The following ZNF469 variants were observed in gnomAD, a reference collection of about 807,000 sequenced individuals.
The protein encoded by ZNF469 is zinc finger protein 469.
ZNF469 carries 1 observed loss-of-function variant against 1.0 expected under a neutral mutation model. The observed-to-expected ratio is 1.00, with a 90% CI of 0.35 to 4.73. The LOEUF is 4.73. Among genes scored for constraint, ZNF469 ranks in the 30% most tolerant of loss-of-function variants. The probability of loss-of-function intolerance (pLI) is 0.16; values close to 1 mark genes in which losing one functional copy is unlikely to be tolerated. For missense variants in ZNF469, 6,100 were observed against 5,356.3 expected (o/e 1.14, Z -4.33); for synonymous variants, 2,703 against 2,363.4 (o/e 1.14, Z -4.17).
At chr16:88,132,137 T>C in the ZNF469 span, among the ~76,000 whole-genome samples, 3 of 152,184 alleles carry the variant, frequency 2.0e-5, no homozygotes, top group African/African-American at 7.2e-5. Context: ...GCCCCGGCCA[T>C]ACCGATGGCT....
intron 1 of ZNF469, among the ~76,000 whole-genome samples, chr16:88,411,857 G>A (rs1030642819): frequency 1.3e-5 from 2 of 152,104 alleles, no homozygotes; most frequent in Non-Finnish European, 2.9e-5. Context: ...CCACACCTGG[G>A]GTCCCCTTCT....
At chr16:88,387,234 A>C (rs148545740) in intron 1 of ZNF469, among the ~76,000 whole-genome samples, 1 of 152,204 alleles carries the variant, frequency 6.6e-6, no homozygotes, top group Admixed American at 6.5e-5. Context: ...AGCTGCCCTC[A>C]GTGGCCGGAG....
Position 88,438,308 on chromosome 16 carries a change from G to A in ZNF469, c.10838G>A (p.Gly3613Glu), listed in dbSNP as rs568704426. 7 of 1,549,692 alleles carry A rather than the reference G, an allele frequency of 4.5e-6. No homozygotes were observed. Among genetic ancestry groups the A allele is most frequent in the Middle Eastern group, 1.7e-4 (1 of 5,990 alleles). Residue 3613 changes from glycine (G) to glutamate (E), a missense_variant, in exon 3 of 3, where the codon GGA becomes GAA. Transcript: ENST00000565624. ...RPGARGQDAE[G>E]KRAPLVFSGK... is the part of the protein sequence containing the mutation. ...GGAGCCAGAGGCCAAGATGCGGAGG[G>A]AAAGAGGGCTCCTCTCGTGTTCTCA... is the stretch of plus-strand genomic sequence containing the variant.
upstream of ZNF469, among the ~76,000 whole-genome samples, chr16:88,380,771 C>G (rs1437809146): frequency 6.7e-6 from 1 of 150,044 alleles, no homozygotes; most frequent in Non-Finnish European, 1.5e-5. Flanking sequence ...GACGTCCTCA[C>G]ACACATGCAC....
chr16:88,136,210 G>A, the ZNF469 span, among the ~76,000 whole-genome samples: 1 of 152,174 alleles, frequency 6.6e-6, no homozygotes, highest in Non-Finnish European at 1.5e-5. Flanking sequence ...CTCTGCGTGG[G>A]GGAGGCTGTG....
upstream of ZNF469, among the ~76,000 whole-genome samples, chr16:88,381,070 G>GA (rs2092522357): frequency 1.8e-5 from 1 of 56,364 alleles, no homozygotes; most frequent in Admixed American, 1.9e-4. Flanking sequence ...TCACACACAG[G>GA]CATGCACTCA....
At chr16:88,409,338 T>C (rs750823080) in intron 1 of ZNF469, among the ~76,000 whole-genome samples, 2 of 152,192 alleles carry the variant, frequency 1.3e-5, no homozygotes, top group Non-Finnish European at 2.9e-5. Context: ...ACTTGAGAAC[T>C]GGAGGATGAC....
chr16:88,111,137 C>T, the ZNF469 span, among the ~76,000 whole-genome samples: 2 of 152,248 alleles, frequency 1.3e-5, no homozygotes, highest in African/African-American at 2.4e-5. Flanking sequence ...CATGTCAAAC[C>T]ATTTCCTGCA....
chr16:88,292,226 C>T, the ZNF469 span, among the ~76,000 whole-genome samples: 2 of 152,244 alleles, frequency 1.3e-5, no homozygotes, highest in South Asian at 2.1e-4. Flanking sequence ...GCCTGGTGTG[C>T]GTGGTCCCAG....
At chr16:88,109,409 A>G in the ZNF469 span, among the ~76,000 whole-genome samples, 1 of 152,254 alleles carries the variant, frequency 6.6e-6, no homozygotes, top group Non-Finnish European at 1.5e-5. Flanking sequence ...GGACCCAGGC[A>G]TGAGGCTTCT....
chr16:88,205,653 T>C, the ZNF469 span, among the ~76,000 whole-genome samples: 2 of 152,144 alleles, frequency 1.3e-5, no homozygotes, highest in Non-Finnish European at 2.9e-5. The surrounding 1 kb of genome is among the most constrained non-coding windows in gnomAD (Gnocchi z 4.2). Flanking sequence ...AGCAGCACAG[T>C]ACAAGGCACG....
At chr16:88,151,214 G>T in the ZNF469 span, among the ~76,000 whole-genome samples, 3 of 152,168 alleles carry the variant, frequency 2.0e-5, no homozygotes, top group Non-Finnish European at 4.4e-5. The surrounding 1 kb of genome is among the most constrained non-coding windows in gnomAD (Gnocchi z 5.4). Context: ...GACTGGTGCC[G>T]ACTGTCAAAC....
the ZNF469 span, among the ~76,000 whole-genome samples, chr16:88,185,268 C>T: frequency 1.6e-3 from 245 of 152,200 alleles, no homozygotes; most frequent in African/African-American, 5.4e-3. Context: ...AACACAGGCA[C>T]GCACTAGTAT....
At chr16:88,380,979 TATGCACTCACACAGAC>T (rs1427773280), upstream of ZNF469, among the ~76,000 whole-genome samples, 44 of 30,768 alleles carry the variant, frequency 1.4e-3, 1 homozygote, top group African/African-American at 5.3e-3. Flanking sequence ...CACTCACACA[TATGCACTCACACAGAC>T]ATGCACTCAC....
At chr16:88,381,418 ACT>A (rs199793714), upstream of ZNF469, among the ~76,000 whole-genome samples, 355 of 150,330 alleles carry the variant, frequency 2.4e-3, 2 homozygotes, top group African/African-American at 8.0e-3. Context: ...ACAGACATGC[ACT>A]CTCTCACACA....
the ZNF469 span, among the ~76,000 whole-genome samples, chr16:88,328,311 CTGTG>C: frequency 6.6e-6 from 1 of 152,264 alleles, no homozygotes; most frequent in Non-Finnish European, 1.5e-5. Context: ...CTGCTGCTGA[CTGTG>C]TGACCTTGGC....
the ZNF469 span, among the ~76,000 whole-genome samples, chr16:88,132,939 G>C: frequency 3.9e-5 from 6 of 152,230 alleles, no homozygotes; most frequent in Non-Finnish European, 8.8e-5. Context: ...ACCACCACAG[G>C]TGAAGGGCTC....
the ZNF469 span, among the ~76,000 whole-genome samples, chr16:88,228,601 CT>C: frequency 6.6e-6 from 1 of 152,228 alleles, no homozygotes. Flanking sequence ...AACCTGGCAA[CT>C]CCTGTTTTTT....
chr16:88,312,553 C>T, the ZNF469 span, among the ~76,000 whole-genome samples: 1 of 152,196 alleles, frequency 6.6e-6, no homozygotes, highest in Non-Finnish European at 1.5e-5. Flanking sequence ...GTCACATATA[C>T]CCACCTCCTT....
Sources: gnomAD v4.1 joint callset for allele counts (sites outside exome capture counted in the v4.1 genomes callset) on GRCh38, gnomAD v4.1.1 for gene constraint, Gnocchi (gnomAD v3.1) non-coding constraint, MANE v1.5 for transcripts, NCBI Gene and HGNC (gene_info 2026-07-23, HGNC 2026-07-21) for gene names.